Variants in CYLC1 observed in about 807,000 individuals in gnomAD.
The protein encoded by CYLC1 is cylicin 1.
In CYLC1, 2 loss-of-function variants were observed where a neutral mutation model predicts 31.6. The ratio of observed to expected loss-of-function variants is 0.06; its 90% CI spans 0.03 to 0.20. The LOEUF (loss-of-function observed/expected upper bound fraction) is 0.20. CYLC1 is among the 10% of genes least tolerant of loss of function. The pLI, the probability that CYLC1 is intolerant of heterozygous loss-of-function variation, is 1.00. For synonymous variants in CYLC1, 185 were observed against 153.0 expected (o/e 1.21, Z -1.54); for missense variants, 595 against 424.1 (o/e 1.40, Z -3.54).
chrX:83,878,424 T>TATATATATAAATATATATAA (rs1468974560), intron 4 of CYLC1, among the ~76,000 whole-genome samples: 1 of 3,470 alleles, frequency 2.9e-4, no homozygotes, highest in Non-Finnish European at 5.6e-4. Context: ...TATATATAAA[T>TATATATATAAATATATATAA]ATATATATAA....
chrX:83,885,329 A>T (rs2031966227), intron 4 of CYLC1, among the ~76,000 whole-genome samples: 1 of 110,519 alleles, frequency 9.0e-6, no homozygotes, highest in Admixed American at 9.8e-5. Flanking sequence ...CAAGATCTGT[A>T]TAATAAAAAA....
chrX:83,873,547 A>C lies in CYLC1; in HGVS notation c.839A>C (p.Tyr280Ser), dbSNP rs200625991. 8.4e-7 allele frequency: 1 copy of C among 1,190,905 alleles called. No homozygotes were observed. Among genetic ancestry groups the C allele is most frequent in the East Asian group, 3.0e-5 (1 of 33,555 alleles). The change falls in exon 4 of 5, where the codon TAT (tyrosine) becomes TCT (serine). Residue 280 changes from tyrosine (Y) to serine (S), a missense_variant. Physicochemically the swap from Tyr to Ser is moderately radical, Grantham distance 144 (BLOSUM62 -2). Transcript: ENST00000329312. ...QNNSKNYSLK[Y>S]TKYTKKDTKK... ...AATTCAAAGAATTATTCTTTGAAGT[A>C]TACAAAGTATACAAAGAAGGACACA...
chrX:83,879,426 A>C (rs2031878554), intron 4 of CYLC1, among the ~76,000 whole-genome samples: 1 of 111,624 alleles, frequency 9.0e-6, no homozygotes, highest in African/African-American at 3.3e-5. Flanking sequence ...CATGCAGTAA[A>C]GTACAACTTA....
intron 1 of CYLC1, among the ~76,000 whole-genome samples, chrX:83,865,021 A>G (rs1018344024): frequency 2.7e-5 from 3 of 111,036 alleles, no homozygotes; most frequent in Non-Finnish European, 5.7e-5. Context: ...ATGCCATCTA[A>G]ATGCTGATGA....
chrX:83,878,170 AAT>A (rs1256304499), intron 4 of CYLC1, among the ~76,000 whole-genome samples: 12 of 34,528 alleles, frequency 3.5e-4, no homozygotes, highest in South Asian at 3.8e-3. Flanking sequence ...ATATATATAA[AAT>A]ATATATATTT....
At position 83,871,007 on chromosome X, in the gene CYLC1, CTG is replaced by C. The variant is rs1392853812; in HGVS notation, c.59-443_59-442del. On this transcript the variant is annotated intron_variant, in intron 2 of 4. Coordinates refer to ENST00000329312, the MANE Select transcript of CYLC1 (RefSeq NM_021118.3). ...TGTAATCAATCAAGACTTTTACTGA[CTG>C]TTGTCAACACCGTGCTAGTTATTAT... is the stretch of plus-strand genomic sequence containing the variant. Among the ~76,000 whole-genome samples the C allele has an allele frequency of 4.5e-5, 5 of 110,027 alleles. No individual in the cohort carries two copies. In the East Asian group the frequency reaches 1.4e-3, roughly 31 times the overall value.
chrX:83,868,871 G>A lies in CYLC1; in HGVS notation c.18-994G>A, dbSNP rs1012186293. 6.4e-5 allele frequency among the ~76,000 whole-genome samples: 7 copies of A among 109,651 alleles called. No individual in the cohort carries two copies. The Admixed American group carries it at 6.9e-4, about 11-fold the overall frequency. On this transcript the variant is annotated intron_variant, in intron 1 of 4. Coordinates refer to ENST00000329312, the MANE Select transcript of CYLC1 (RefSeq NM_021118.3). ...CTTCCAAATTGTCTTGTATATTCTCGAATCCTTTATTTCCATATAAAAGCT... is the reference window on the plus strand; with the variant it reads ...CTTCCAAATTGTCTTGTATATTCTCAAATCCTTTATTTCCATATAAAAGCT...
chrX:83,864,707 A>C (rs1446400550), intron 1 of CYLC1: 1 of 319,244 alleles, frequency 3.1e-6, no homozygotes, highest in Non-Finnish European at 6.0e-6. Flanking sequence ...TTTCTCTCCC[A>C]AACTTATTTC....
intron 1 of CYLC1, among the ~76,000 whole-genome samples, chrX:83,867,690 C>T (rs145651059): frequency 0.015 from 1,678 of 110,826 alleles, 8 homozygotes; most frequent in Non-Finnish European, 0.025. Context: ...ATCACTTTGC[C>T]TTCTCCTCCT....
intron 4 of CYLC1, among the ~76,000 whole-genome samples, chrX:83,879,606 T>C (rs1007572536): frequency 4.5e-5 from 5 of 111,455 alleles, no homozygotes; most frequent in African/African-American, 1.6e-4. Context: ...ATCTCTCTAC[T>C]TCTCATTCCC....
chrX:83,863,007 T>A (rs771983218), intron 1 of CYLC1, among the ~76,000 whole-genome samples: 4 of 111,659 alleles, frequency 3.6e-5, no homozygotes, highest in African/African-American at 6.5e-5. Context: ...TCTCATGTCA[T>A]CAACTTATAT....
chrX:83,868,453 G>C (rs765949893), intron 1 of CYLC1, among the ~76,000 whole-genome samples: 1 of 110,573 alleles, frequency 9.0e-6, no homozygotes, highest in South Asian at 3.7e-4. Context: ...TTTATGCCCA[G>C]TTTAATAAAT....
chrX:83,871,954 A>T (rs1020926747), intron 3 of CYLC1, among the ~76,000 whole-genome samples: 7 of 111,390 alleles, frequency 6.3e-5, no homozygotes, highest in Non-Finnish European at 1.3e-4. Context: ...CAAGTTTTCT[A>T]CTGTTTCTCT....
intron 4 of CYLC1, among the ~76,000 whole-genome samples, chrX:83,878,107 T>TATATATATAAAA (rs2031815876): frequency 5.9e-5 from 3 of 50,942 alleles, no homozygotes; most frequent in African/African-American, 2.4e-4. Context: ...TAAATATAAA[T>TATATATATAAAA]ATATATATTT....
intron 1 of CYLC1, among the ~76,000 whole-genome samples, chrX:83,866,627 A>T (rs907431270): frequency 1.8e-5 from 2 of 110,444 alleles, no homozygotes; most frequent in Non-Finnish European, 3.8e-5. Context: ...TCCAGCCATT[A>T]AAAAAAAGGT....
At chrX:83,862,660 A>G (rs1221071495) in intron 1 of CYLC1, among the ~76,000 whole-genome samples, 1 of 112,700 alleles carries the variant, frequency 8.9e-6, no homozygotes, top group African/African-American at 3.2e-5. Flanking sequence ...TTCTAATTTG[A>G]TTCTGCCTAC....
intron 4 of CYLC1, among the ~76,000 whole-genome samples, chrX:83,881,132 T>C (rs767290468): frequency 2.3e-5 from 2 of 87,053 alleles, no homozygotes; most frequent in African/African-American, 4.4e-5. Context: ...AAAGTGGGTG[T>C]TGTTGTTGTT....
Position 83,873,147 on chromosome X carries a change from A to G in CYLC1, c.439A>G (p.Ile147Val). The G allele has an allele frequency of 8.3e-7, 1 of 1,201,015 alleles. No individual in the cohort carries two copies. The highest frequency in any genetic ancestry group is 3.0e-5 in the East Asian group (1 of 33,704). The change falls in exon 4 of 5, where the codon ATA becomes GTA. Residue 147 changes from isoleucine (I) to valine (V), a missense_variant. By Grantham distance (29) the Ile-to-Val change is conservative (BLOSUM62 3). Coordinates refer to ENST00000329312, the MANE Select transcript of CYLC1 (RefSeq NM_021118.3). ...TGCAACAAATCCAGAATCCAAGCAA[A>G]TAGTAGAAGAGAAAACTAAAAGACA... Reference protein sequence around the residue: ...SYATNPESKQIVEEKTKRQNE... With the variant: ...SYATNPESKQVVEEKTKRQNE...
intron 4 of CYLC1, among the ~76,000 whole-genome samples, chrX:83,875,667 C>T (rs1205955576): frequency 3.6e-5 from 4 of 111,504 alleles, no homozygotes; most frequent in Admixed American, 9.5e-5. Flanking sequence ...GCTCCTCCCA[C>T]GACATGTGTG....
Sources: allele counts gnomAD v4.1 joint callset (sites outside exome capture counted in the v4.1 genomes callset), GRCh38; gene constraint gnomAD v4.1.1; transcripts MANE v1.5; gene names NCBI Gene and HGNC (gene_info 2026-07-23, HGNC 2026-07-21).